Variants in BACH1 observed in about 807,000 individuals in gnomAD.
The protein encoded by BACH1 is transcription regulator protein BACH1.
Under a neutral mutation model 52.9 loss-of-function variants are expected in BACH1, and 35 were observed. That is an observed-to-expected ratio of 0.66 (90% CI 0.51 to 0.88). BACH1 has a LOEUF of 0.88. Among genes scored for constraint, BACH1 ranks in the 40% least tolerant of loss-of-function variants. The pLI is 0.00. For missense variants in BACH1, 808 were observed against 872.6 expected (o/e 0.93, Z 0.93); for synonymous variants, 321 against 319.6 (o/e 1.00, Z -0.05).
At chr21:29,342,356 C>A in intron 4 of BACH1, 43 bp from the exon 5 acceptor site, 1 of 1,544,574 alleles carries the variant, frequency 6.5e-7, no homozygotes. Flanking sequence ...GTTGATTGAG[C>A]TAATAAACAC....
intron 4 of BACH1, among the ~76,000 whole-genome samples, chr21:29,337,175 C>T (rs1162839598): frequency 6.6e-6 from 1 of 152,218 alleles, no homozygotes; most frequent in Non-Finnish European, 1.5e-5. Context: ...GCCATGGTCT[C>T]ACTTTTTAAC....
rs2088911622 is a variant in BACH1 at position 29,326,412 on chromosome 21, A to G, written c.588A>G (p.Ser196=). ...GGTATCAAGGAAATGCAAAAGCCTC[A>G]CCTCCTCTACAAGACAGTGCCAGTC... is the stretch of plus-strand genomic sequence containing the variant. ...LRRYQGNAKA[S]PPLQDSASQT... is the part of the protein sequence containing the mutation. The change falls in exon 3 of 5, where the codon TCA becomes TCG. Residue 196 remains serine, a synonymous_variant. Coordinates refer to ENST00000286800, the MANE Select transcript of BACH1 (RefSeq NM_001186.4). 3.1e-6 allele frequency: 5 copies of G among 1,614,050 alleles called. No individual in the cohort carries two copies. The African/African-American group carries it at 6.7e-5, about 22-fold the overall frequency.
chr21:29,358,775 AAAGAAAGAAAGAAAGAAAGAAAG>A (rs751906899), intron 2 of BACH1, among the ~76,000 whole-genome samples: 1 of 83,428 alleles, frequency 1.2e-5, no homozygotes, highest in Non-Finnish European at 2.5e-5. Context: ...AAAAGAAAAG[AAAGAAAGAAAGAAAGAAAGAAAG>A]AAAGAAAGAA....
intron 3 of BACH1, among the ~76,000 whole-genome samples, chr21:29,329,046 G>T (rs987862922): frequency 6.6e-6 from 1 of 152,118 alleles, no homozygotes; most frequent in African/African-American, 2.4e-5. Flanking sequence ...AGTGGCTCAT[G>T]CCTGTAATCC....
chr21:29,337,479 C>T (rs2089058186), intron 4 of BACH1, among the ~76,000 whole-genome samples: 1 of 152,162 alleles, frequency 6.6e-6, no homozygotes, highest in African/African-American at 2.4e-5. Context: ...GTCTTCACTT[C>T]TGTGTTTATG....
rs141332515 is a variant in BACH1, at chr21:29,330,864, TAAA to T, written c.1776+1175_1776+1177del. Among the ~76,000 whole-genome samples the T allele has an allele frequency of 8.4e-3, 1,267 of 150,296 alleles. 21 individuals are homozygous for T. The highest frequency in any genetic ancestry group is 0.029 in the African/African-American group (1,205 of 40,852). ...TGTACATATACTTTGTGTAAAAAGATAAAAAATCATAACTATATTAAAGAGATG... is the reference window on the plus strand; with the variant it reads ...TGTACATATACTTTGTGTAAAAAGATAAATCATAACTATATTAAAGAGATG... On this transcript the variant is annotated intron_variant, in intron 4 of 4. Coordinates refer to ENST00000286800, the MANE Select transcript of BACH1 (RefSeq NM_001186.4).
chr21:29,358,206 C>T (rs1199386411), intron 2 of BACH1, among the ~76,000 whole-genome samples: 3 of 152,168 alleles, frequency 2.0e-5, no homozygotes, highest in Non-Finnish European at 4.4e-5. Context: ...AATTTGGCCT[C>T]AAGATTTAAG....
intron 4 of BACH1, among the ~76,000 whole-genome samples, chr21:29,331,711 G>T (rs1475284345): frequency 6.6e-6 from 1 of 151,956 alleles, no homozygotes; most frequent in Non-Finnish European, 1.5e-5. Flanking sequence ...CTGTGACTTG[G>T]GGTTTTCATC....
chr21:29,327,566 A>G (rs1222557761), intron 3 of BACH1, among the ~76,000 whole-genome samples, 173 bp downstream of exon 3: 3 of 152,168 alleles, frequency 2.0e-5, no homozygotes, highest in Non-Finnish European at 4.4e-5. Context: ...GTGGCCCACA[A>G]CTGTTAATTC....
At chr21:29,356,801 C>T (rs553572580) in intron 2 of BACH1, among the ~76,000 whole-genome samples, 54 of 152,352 alleles carry the variant, frequency 3.5e-4, no homozygotes, top group Admixed American at 2.8e-3. Context: ...TTTAAATTTA[C>T]CCTGGCTTTT....
At chr21:29,312,210 G>T (rs2088732042) in intron 1 of BACH1, among the ~76,000 whole-genome samples, 1 of 152,106 alleles carries the variant, frequency 6.6e-6, no homozygotes, top group Admixed American at 6.5e-5. Flanking sequence ...AATTTTACGT[G>T]TTGGGGGAAT....
At chr21:29,306,003 T>G (rs1345870731) in intron 1 of BACH1, among the ~76,000 whole-genome samples, 2 of 152,188 alleles carry the variant, frequency 1.3e-5, no homozygotes, top group African/African-American at 4.8e-5. Context: ...AACCACAGAC[T>G]ATTAAAAGCC....
rs1240291087 is a variant in BACH1, at chr21:29,342,447, A to G, written c.1825A>G (p.Thr609Ala). 2 of 1,614,208 alleles carry G rather than the reference A, an allele frequency of 1.2e-6. No homozygotes were observed. The highest frequency in any genetic ancestry group is 1.7e-5 in the Admixed American group (1 of 60,032). ...GAAGGAAAGAGATCACATTTTGTCAACTCTGGGTGAGACAAAGCAGAACCT... is the reference window on the plus strand; with the variant it reads ...GAAGGAAAGAGATCACATTTTGTCAGCTCTGGGTGAGACAAAGCAGAACCT... ...LLKERDHILS[T>A]LGETKQNLTG... The change falls in exon 5 of 5, where the codon ACT becomes GCT. Residue 609 changes from threonine to alanine, a missense_variant. Physicochemically the swap from Thr to Ala is moderately conservative, Grantham distance 58. Transcript: ENST00000286800.
intron 2 of BACH1, among the ~76,000 whole-genome samples, chr21:29,325,231 GA>G (rs1041695285): frequency 4.2e-4 from 62 of 146,884 alleles, no homozygotes; most frequent in African/African-American, 9.9e-4. Context: ...CTCCGTCTTA[GA>G]AAAAAAAAAA....
Position 29,355,066 on chromosome 21 carries a change from C to A in BACH1, c.472+25373C>A, listed in dbSNP as rs1003986636. Among the ~76,000 whole-genome samples, 4 of 152,302 alleles carry A rather than the reference C, an allele frequency of 2.6e-5. No individual in the cohort carries two copies. In the East Asian group the frequency reaches 5.8e-4, roughly 22 times the overall value. On this transcript the variant is annotated intron_variant, in intron 2 of 4. Coordinates refer to the BACH1 transcript ENST00000422809. ...TCCACAGCATGGAAGGGGACCGGAG[C>A]GGGTTGCCCCTGCTGACTGGGGTGG...
intron 4 of BACH1, among the ~76,000 whole-genome samples, chr21:29,334,459 T>C (rs560988264): frequency 3.3e-5 from 5 of 152,348 alleles, no homozygotes; most frequent in African/African-American, 1.2e-4. Flanking sequence ...GTTTAACTTA[T>C]GAAGCTCTTG....
At chr21:29,356,877 CTTCT>C (rs2089238094) in intron 2 of BACH1, among the ~76,000 whole-genome samples, 1 of 151,952 alleles carries the variant, frequency 6.6e-6, no homozygotes, top group South Asian at 2.1e-4. Flanking sequence ...TCTTTGACTT[CTTCT>C]TTGTCTCTTT....
intron 4 of BACH1, 107 bp from the exon 5 acceptor site, chr21:29,342,292 A>ATCT: frequency 8.9e-7 from 1 of 1,126,564 alleles, no homozygotes; most frequent in South Asian, 1.6e-5. Flanking sequence ...GATAAACTCC[A>ATCT]TGTGATCTTA....
At chr21:29,329,335 T>A in intron 3 of BACH1, 152 bp from the exon 4 acceptor site, 50 of 559,906 alleles carry the variant, frequency 8.9e-5, no homozygotes, top group Middle Eastern at 5.0e-4. Flanking sequence ...AGATATCCTT[T>A]TGAGATTGTA....
Sources: allele counts gnomAD v4.1 joint callset (sites outside exome capture counted in the v4.1 genomes callset), GRCh38; gene constraint gnomAD v4.1.1; transcripts MANE v1.5; gene names NCBI Gene and HGNC (gene_info 2026-07-23, HGNC 2026-07-21).